The following GARS1 variants were observed in gnomAD, a reference collection of about 807,000 sequenced individuals.
The protein encoded by GARS1 is glycyl-tRNA synthetase 1.
In GARS1, 46 loss-of-function variants were observed where a neutral mutation model predicts 86.4. That is an observed-to-expected ratio of 0.53 (90% CI 0.42 to 0.68). The LOEUF (loss-of-function observed/expected upper bound fraction) is 0.68. GARS1 is among the 30% of genes least tolerant of loss of function. The pLI is 0.00. For missense variants in GARS1, 797 were observed against 915.6 expected (o/e 0.87, Z 1.67); for synonymous variants, 342 against 329.8 (o/e 1.04, Z -0.40).
At chr7:30,611,414 A>C (rs1260966673) in intron 7 of GARS1, among the ~76,000 whole-genome samples, 1 of 152,218 alleles carries the variant, frequency 6.6e-6, no homozygotes, top group Non-Finnish European at 1.5e-5. Flanking sequence ...TAAGATTGTC[A>C]TCTGCCTCCA....
intron 1 of GARS1, chr7:30,595,927 C>T (rs972521870): frequency 8.5e-6 from 4 of 470,804 alleles, no homozygotes; most frequent in Admixed American, 7.1e-5. Context: ...ATTTGATTTT[C>T]CCGAAGGTGA....
chr7:30,609,703 T>C lies in GARS1; in HGVS notation c.854T>C (p.Phe285Ser). Residue 285 changes from phenylalanine (F) to serine (S), a missense_variant, in exon 7 of 17, where the codon TTC (phenylalanine) becomes TCC (serine). This residue lies in a region of GARS1 where 598 missense variants were observed against 738.7 expected (regional missense o/e 0.81). Coordinates refer to ENST00000389266, the MANE Select transcript of GARS1 (RefSeq NM_002047.4). Reference protein sequence around the residue: ...PVSFNLMFKTFIGPGGNMPGY... With the variant: ...PVSFNLMFKTSIGPGGNMPGY... Reference sequence around the variant, plus strand: ...TCTTTTAACTTAATGTTCAAGACTTTCATTGGGCCTGGAGGAAACATGCCT... The same window carrying C: ...TCTTTTAACTTAATGTTCAAGACTTCCATTGGGCCTGGAGGAAACATGCCT... 6.2e-7 allele frequency: 1 copy of C among 1,613,756 alleles called. No individual in the cohort carries two copies. The highest frequency in any genetic ancestry group is 2.2e-5 in the East Asian group (1 of 44,820).
chr7:30,608,483 G>C (rs1791529154), intron 6 of GARS1, among the ~76,000 whole-genome samples: 1 of 152,034 alleles, frequency 6.6e-6, no homozygotes, highest in African/African-American at 2.4e-5. Flanking sequence ...CAGCCTCTTG[G>C]GTAATTGTAT....
rs1783258263 is a variant in GARS1 at position 30,632,512 on chromosome 7, A to G, written c.2094+75A>G. On this transcript the variant is annotated intron_variant, in intron 16 of 16. Transcript: ENST00000389266. This position sits in a 1 kb window ranked among gnomAD's most constrained non-coding sequence, Gnocchi z 4.1. The stretch of plus-strand genomic sequence containing the variant: ...TCTTACTGATTTGTGTTGGATTTTG[A>G]TGTGTTTATGCTCCCTTTCCTTTTT... 6.8e-7 allele frequency: 1 copy of G among 1,464,908 alleles called. No homozygotes were observed. Among genetic ancestry groups the G allele is most frequent in the Admixed American group, 1.7e-5 (1 of 59,500 alleles). The allele number at this position is 1,464,908 out of a possible 1,614,324, so 90.7% of individuals were successfully genotyped here.
At chr7:30,633,680 T>A (rs1457207880) in intron 16 of GARS1, 55 bp from the exon 17 acceptor site, 6 of 1,597,380 alleles carry the variant, frequency 3.8e-6, no homozygotes, top group Non-Finnish European at 4.3e-6. Flanking sequence ...TGAATCTTCT[T>A]CTTAAAAATC....
chr7:30,597,885 T>C (rs1310009932), intron 1 of GARS1, among the ~76,000 whole-genome samples: 4 of 152,218 alleles, frequency 2.6e-5, no homozygotes, highest in Non-Finnish European at 4.4e-5. Flanking sequence ...AAGTTTTTCA[T>C]CCTATATAGG....
intron 6 of GARS1, among the ~76,000 whole-genome samples, chr7:30,607,571 T>C (rs1386487005): frequency 6.6e-6 from 1 of 151,856 alleles, no homozygotes; most frequent in Non-Finnish European, 1.5e-5. Flanking sequence ...GGGGGAGGGA[T>C]AGCATTAGGA....
At chr7:30,599,804 C>G in intron 2 of GARS1, 143 bp from the exon 3 acceptor site, 1 of 602,916 alleles carries the variant, frequency 1.7e-6, no homozygotes, top group Non-Finnish European at 2.9e-6. Context: ...CCTATGGCTT[C>G]TATTGTTTTT....
rs375342472 is a variant in GARS1, at chr7:30,597,999, G to A, written c.223-797G>A. Among the ~76,000 whole-genome samples, 14 of 152,258 alleles carry A rather than the reference G, an allele frequency of 9.2e-5. 1 individual carries two copies. Among genetic ancestry groups the A allele is most frequent in the East Asian group, 3.9e-4 (2 of 5,188 alleles). ...TTAATAAAATAATTCAGAAATATTA[G>A]CAAGGAAAAAATTCCAACTGTAAAG... On this transcript the variant is annotated intron_variant, in intron 1 of 16. Transcript: ENST00000389266.
chr7:30,608,254 T>G (rs1341234868), intron 6 of GARS1, among the ~76,000 whole-genome samples: 1 of 152,254 alleles, frequency 6.6e-6, no homozygotes, highest in Non-Finnish European at 1.5e-5. Flanking sequence ...ATTGCCAGAT[T>G]CCCTTTCCCA....
chr7:30,611,981 A>G, intron 7 of GARS1, 115 bp from the exon 8 acceptor site: 2 of 974,620 alleles, frequency 2.1e-6, no homozygotes, highest in East Asian at 2.4e-5. Context: ...GGCCTGTTCA[A>G]CTTTGTTGTG....
chr7:30,631,062 C>T, intron 14 of GARS1: 1 of 209,194 alleles, frequency 4.8e-6, no homozygotes, highest in Non-Finnish European at 9.8e-6. Flanking sequence ...AGGTAGTCTC[C>T]ACAGAAAGTC....
chr7:30,626,908 G>C, intron 13 of GARS1: 1 of 324,532 alleles, frequency 3.1e-6, no homozygotes, highest in Non-Finnish European at 6.1e-6. Context: ...TTGAACCCGG[G>C]AGGTGGAGGT....
intron 7 of GARS1, 55 bp downstream of exon 7, chr7:30,609,785 A>G (rs1791561159): frequency 1.9e-6 from 3 of 1,559,968 alleles, no homozygotes; most frequent in Non-Finnish European, 2.6e-6. Context: ...AAAATTGCTT[A>G]TATTAAAAGG....
rs1402812986 is a variant in GARS1 at position 30,615,159 on chromosome 7, A to G, written c.1032-737A>G. Among the ~76,000 whole-genome samples, 5 of 152,332 alleles carry G rather than the reference A, an allele frequency of 3.3e-5. No homozygotes were observed. In the South Asian group the frequency reaches 8.3e-4, roughly 25 times the overall value. The stretch of plus-strand genomic sequence containing the variant: ...AATTAGCTTGATGTTAGCTTGTTCA[A>G]TTCATGCCTTATATCCTTTGCCTTG... On this transcript the variant is annotated intron_variant, in intron 8 of 16. Coordinates refer to ENST00000389266, the MANE Select transcript of GARS1 (RefSeq NM_002047.4).
At chr7:30,599,387 T>A (rs1052620818) in intron 2 of GARS1, among the ~76,000 whole-genome samples, 2 of 152,176 alleles carry the variant, frequency 1.3e-5, no homozygotes, top group African/African-American at 4.8e-5. Flanking sequence ...TATCAGTATC[T>A]ACATCAAAGT....
At position 30,622,603 on chromosome 7, in the gene GARS1, C is replaced by T. The variant is rs943034987; in HGVS notation, c.1613+141C>T. The T allele has an allele frequency of 7.0e-5, 71 of 1,008,048 alleles. 1 individual carries two copies. Among genetic ancestry groups the T allele is most frequent in the East Asian group, 4.8e-5 (2 of 41,516 alleles). The allele number at this position is 1,008,048 out of a possible 1,614,324, so 62.4% of individuals were successfully genotyped here. A position where few individuals can be genotyped will look rare whatever the true frequency, so the allele number is the denominator to read the frequency against. ...GCTGCATTTAAAAGACTGTCTTTGC[C>T]GAGATTTTGGCATTATAGCCTGAAA... is the stretch of plus-strand genomic sequence containing the variant. On this transcript the variant is annotated intron_variant, in intron 12 of 16. Transcript: ENST00000389266.
chr7:30,609,532 C>T, intron 6 of GARS1, 53 bp from the exon 7 acceptor site: 1 of 1,475,728 alleles, frequency 6.8e-7, no homozygotes, highest in South Asian at 1.1e-5. Context: ...TACTTTATAT[C>T]TTATGCCTTG....
chr7:30,629,713 A>G (rs1783199543), intron 14 of GARS1, among the ~76,000 whole-genome samples: 2 of 152,224 alleles, frequency 1.3e-5, no homozygotes, highest in African/African-American at 4.8e-5. Context: ...TCTGCCCTAA[A>G]GTTGCATCTT....
Sources: gnomAD v4.1 joint callset for allele counts (sites outside exome capture counted in the v4.1 genomes callset) on GRCh38, gnomAD v4.1.1 for gene constraint, gnomAD v4.1.1 regional missense constraint, Gnocchi (gnomAD v3.1) non-coding constraint, MANE v1.5 for transcripts, NCBI Gene and HGNC (gene_info 2026-07-23, HGNC 2026-07-21) for gene names.